Variants in MYO16 observed in about 807,000 individuals in gnomAD.
The protein encoded by MYO16 is unconventional myosin-XVI.
A neutral mutation model predicts 205.3 loss-of-function variants in MYO16; 94 were observed. The observed-to-expected ratio is 0.46, with a 90% CI of 0.39 to 0.54. MYO16 has a LOEUF of 0.54. Among genes scored for constraint, MYO16 ranks in the 20% least tolerant of loss-of-function variants. The pLI is 0.00. For synonymous variants in MYO16, 988 were observed against 954.0 expected (o/e 1.04, Z -0.66); for missense variants, 2,315 against 2,387.5 (o/e 0.97, Z 0.63).
At chr13:108,957,612 C>T (rs1484213259) in intron 16 of MYO16, 76 bp from the exon 17 acceptor site, 28 of 961,748 alleles carry the variant, frequency 2.9e-5, no homozygotes, top group South Asian at 1.3e-4. Flanking sequence ...AGATCAAATA[C>T]GGCAGAAGTG....
chr13:108,821,366 C>G (rs2139017540), intron 8 of MYO16, among the ~76,000 whole-genome samples: 1 of 152,082 alleles, frequency 6.6e-6, no homozygotes, highest in East Asian at 1.9e-4. Flanking sequence ...GAATATTTAC[C>G]AAACAGAAAT....
At chr13:108,884,036 T>G (rs970796113) in intron 13 of MYO16, among the ~76,000 whole-genome samples, 1 of 152,232 alleles carries the variant, frequency 6.6e-6, no homozygotes, top group Admixed American at 6.5e-5. Context: ...TATTTTATAT[T>G]CAGCCAAACC....
intron 21 of MYO16, among the ~76,000 whole-genome samples, chr13:109,002,755 A>T (rs929511274): frequency 6.6e-6 from 1 of 152,206 alleles, no homozygotes. Context: ...GCCTGTAAAA[A>T]TCTTCACTCT....
At chr13:108,964,935 A>T in intron 20 of MYO16, 33 bp downstream of exon 20, 1 of 1,602,646 alleles carries the variant, frequency 6.2e-7, no homozygotes, top group Non-Finnish European at 8.5e-7. Context: ...TTCTGTTGTC[A>T]TTACTGTAAT....
At chr13:108,657,293 T>A (rs1288365048) in intron 1 of MYO16, among the ~76,000 whole-genome samples, 5 of 152,238 alleles carry the variant, frequency 3.3e-5, no homozygotes, top group African/African-American at 4.8e-5. Context: ...TCCACTGGTC[T>A]AAGTGTCTAT....
chr13:108,855,306 A>G (rs1878110277), intron 10 of MYO16, 137 bp from the exon 11 acceptor site: 5 of 413,914 alleles, frequency 1.2e-5, no homozygotes, highest in South Asian at 1.6e-4. Flanking sequence ...TCATTGAACC[A>G]TTTCATCTCT....
intron 4 of MYO16, among the ~76,000 whole-genome samples, chr13:108,754,552 TTAAAG>T (rs1449715379): frequency 6.6e-6 from 1 of 152,124 alleles, no homozygotes. Flanking sequence ...TTATAAAGTC[TTAAAG>T]TAAAAGAAAT....
intron 4 of MYO16, among the ~76,000 whole-genome samples, chr13:108,737,067 G>A (rs867447656): frequency 2.2e-4 from 34 of 152,206 alleles, no homozygotes; most frequent in Middle Eastern, 3.4e-3. Context: ...TAGATATACA[G>A]TCATGTCATC....
chr13:109,029,040 C>T (rs1049833878), intron 23 of MYO16, among the ~76,000 whole-genome samples: 1 of 146,212 alleles, frequency 6.8e-6, no homozygotes, highest in African/African-American at 2.7e-5. Context: ...ATTGATGCTG[C>T]AATGCTGCAG....
At chr13:108,809,714 A>G (rs1887226637) in intron 7 of MYO16, among the ~76,000 whole-genome samples, 1 of 152,196 alleles carries the variant, frequency 6.6e-6, no homozygotes, top group South Asian at 2.1e-4. Flanking sequence ...GGGGCTTGCA[A>G]TTCAACATGA....
intron 29 of MYO16, among the ~76,000 whole-genome samples, chr13:109,124,674 A>G (rs1876152194): frequency 3.3e-5 from 5 of 152,232 alleles, no homozygotes; most frequent in Admixed American, 3.3e-4. Context: ...GAATTAAATC[A>G]TAATCTTAGA....
intron 1 of MYO16, among the ~76,000 whole-genome samples, chr13:108,623,991 TGAA>T (rs1335392140): frequency 1.3e-5 from 2 of 152,156 alleles, no homozygotes; most frequent in African/African-American, 4.8e-5. Context: ...GAAGTAAATT[TGAA>T]GAATGCATGG....
intron 4 of MYO16, among the ~76,000 whole-genome samples, chr13:108,774,617 C>A (rs1886070276): frequency 6.6e-6 from 1 of 152,008 alleles, no homozygotes; most frequent in Non-Finnish European, 1.5e-5. Flanking sequence ...ACAAATACAG[C>A]ATTTTTTTAT....
At chr13:108,805,177 AATTAT>A (rs1334207142) in intron 6 of MYO16, among the ~76,000 whole-genome samples, 2 of 152,200 alleles carry the variant, frequency 1.3e-5, no homozygotes, top group East Asian at 3.8e-4. Context: ...AAGTATGTAA[AATTAT>A]ATTTTCTAAA....
intron 2 of MYO16, among the ~76,000 whole-genome samples, chr13:108,681,599 C>T (rs1216425280): frequency 1.3e-5 from 2 of 149,420 alleles, no homozygotes; most frequent in Non-Finnish European, 1.5e-5. Flanking sequence ...TCTTCCTCAT[C>T]TTTCTTTTTT....
At chr13:108,827,859 G>T (rs547620130) in intron 9 of MYO16, among the ~76,000 whole-genome samples, 95 of 152,142 alleles carry the variant, frequency 6.2e-4, no homozygotes, top group African/African-American at 2.1e-3. Flanking sequence ...CTCACCCAGG[G>T]TTTTTCATCA....
chr13:108,644,178 G>A (rs1232147622), intron 1 of MYO16, among the ~76,000 whole-genome samples: 1 of 152,090 alleles, frequency 6.6e-6, no homozygotes, highest in East Asian at 1.9e-4. Flanking sequence ...TTACATAATA[G>A]GCTTCTGGTT....
intron 16 of MYO16, among the ~76,000 whole-genome samples, chr13:108,955,308 CTT>C (rs1354759074): frequency 1.3e-5 from 2 of 151,790 alleles, no homozygotes; most frequent in Non-Finnish European, 2.9e-5. Flanking sequence ...TTCTTGAAGT[CTT>C]TTATGTGGTT....
chr13:108,653,821 A>G (rs555316427), intron 1 of MYO16, among the ~76,000 whole-genome samples: 3 of 151,510 alleles, frequency 2.0e-5, no homozygotes. Context: ...ATATATTCTT[A>G]TATAGACTGT....
Sources: gnomAD v4.1 joint callset for allele counts (sites outside exome capture counted in the v4.1 genomes callset) on GRCh38, gnomAD v4.1.1 for gene constraint, MANE v1.5 for transcripts, NCBI Gene and HGNC (gene_info 2026-07-23, HGNC 2026-07-21) for gene names.